Variants in TMEM200A observed in about 807,000 individuals in gnomAD.
TMEM200A encodes transmembrane protein 200A, also known as two transmembrane C.
In TMEM200A, 12 loss-of-function variants were observed where a neutral mutation model predicts 24.3. That is an observed-to-expected ratio of 0.49 (90% CI 0.32 to 0.80). The LOEUF is 0.80. Ranked by LOEUF, TMEM200A falls within the 30% of genes least tolerant of loss-of-function variation. The pLI is 0.04. For synonymous variants in TMEM200A, 224 were observed against 224.4 expected (o/e 1.00, Z 0.02); for missense variants, 545 against 614.4 (o/e 0.89, Z 1.19).
At chr6:130,422,283 T>G (rs118140545) in intron 2 of TMEM200A, among the ~76,000 whole-genome samples, 1 of 152,156 alleles carries the variant, frequency 6.6e-6, no homozygotes, top group Non-Finnish European at 1.5e-5. Flanking sequence ...TTTTTATTTT[T>G]TTTAAGATGG....
intron 2 of TMEM200A, among the ~76,000 whole-genome samples, chr6:130,405,385 G>A (rs554001936): frequency 2.2e-4 from 33 of 152,170 alleles, no homozygotes; most frequent in South Asian, 2.1e-3. Flanking sequence ...CTAGTTAGCC[G>A]TATTCCTGGG....
intron 2 of TMEM200A, among the ~76,000 whole-genome samples, chr6:130,433,136 CTTTT>C (rs34311658): frequency 1.4e-5 from 2 of 138,410 alleles, no homozygotes. Context: ...AAAAGATGAT[CTTTT>C]TTTTTTTTTT....
At chr6:130,390,031 G>A (rs1241348380) in intron 2 of TMEM200A, among the ~76,000 whole-genome samples, 2 of 152,166 alleles carry the variant, frequency 1.3e-5, no homozygotes, top group East Asian at 1.9e-4. Flanking sequence ...GGCCAGAAAC[G>A]TGTTTTGGTT....
chr6:130,425,086 C>T (rs1003043781), intron 2 of TMEM200A, among the ~76,000 whole-genome samples: 5 of 152,240 alleles, frequency 3.3e-5, no homozygotes, highest in Admixed American at 2.0e-4. Context: ...CCTAGTAATA[C>T]TTGCTCATCT....
intron 2 of TMEM200A, among the ~76,000 whole-genome samples, chr6:130,402,352 C>CA (rs1310267973): frequency 1.4e-4 from 22 of 151,902 alleles, no homozygotes; most frequent in Non-Finnish European, 1.0e-4. Context: ...ATCAGTTGAG[C>CA]AAAAAATACA....
intron 1 of TMEM200A, among the ~76,000 whole-genome samples, chr6:130,376,493 G>A (rs1025595235): frequency 6.6e-6 from 1 of 152,130 alleles, no homozygotes; most frequent in Non-Finnish European, 1.5e-5. Context: ...ATGTTGGCCA[G>A]GCTGGGCTTG....
chr6:130,371,766 C>G (rs1562547486), intron 1 of TMEM200A, among the ~76,000 whole-genome samples: 1 of 152,146 alleles, frequency 6.6e-6, no homozygotes, highest in Admixed American at 6.5e-5. Flanking sequence ...ATGGGCAGAT[C>G]AATAGAACAA....
chr6:130,375,033 A>T (rs923763815), intron 1 of TMEM200A, among the ~76,000 whole-genome samples: 1 of 152,208 alleles, frequency 6.6e-6, no homozygotes, highest in African/African-American at 2.4e-5. Flanking sequence ...CAATTTTTCC[A>T]CAACTATTAT....
intron 2 of TMEM200A, among the ~76,000 whole-genome samples, chr6:130,422,506 A>G (rs1779620843): frequency 6.6e-6 from 1 of 152,096 alleles, no homozygotes; most frequent in African/African-American, 2.4e-5. Flanking sequence ...ACCTCAAGTG[A>G]TCTGCCTGCC....
In TMEM200A at chr6:130,442,771, T is replaced by G. The variant is rs1780228438; in HGVS notation, c.*873T>G. 1.2e-5 allele frequency: 2 copies of G among 167,066 alleles called. No homozygotes were observed. The highest frequency in any genetic ancestry group is 2.1e-4 in the South Asian group (1 of 4,826). The allele number at this position is 167,066 out of a possible 1,614,324, so 10.3% of individuals were successfully genotyped here. On this transcript the variant is annotated 3_prime_UTR_variant, in exon 3 of 3. Transcript: ENST00000296978. The stretch of plus-strand genomic sequence containing the variant: ...TAGTCTCAGTACCTGTTTTTAGCCA[T>G]CTGTTACTGTCCAATAGCACCTCAT...
In TMEM200A at chr6:130,366,141, C is replaced by T; in HGVS notation, c.-464C>T. ...CCTGCCCGGCTTGCTGCGCCCGGTG[C>T]CCTCCGAGGGCAGGCGCGCCTGGAC... On this transcript the variant is annotated 5_prime_UTR_variant, in exon 1 of 3. Coordinates refer to ENST00000296978, the MANE Select transcript of TMEM200A (RefSeq NM_001258277.2). This position sits in a 1 kb window ranked among gnomAD's most constrained non-coding sequence, Gnocchi z 4.4. The T allele has an allele frequency of 1.0e-6, 1 of 985,388 alleles. No individual in the cohort carries two copies. Among genetic ancestry groups the T allele is most frequent in the Non-Finnish European group, 1.2e-6 (1 of 829,936 alleles). 61.0% of individuals were successfully genotyped at this position (985,388 alleles called of 1,614,324 possible).
intron 2 of TMEM200A, among the ~76,000 whole-genome samples, chr6:130,387,272 GTGTT>G (rs1202766273): frequency 5.3e-5 from 8 of 152,048 alleles, no homozygotes; most frequent in African/African-American, 1.4e-4. Flanking sequence ...GGATAGAGTT[GTGTT>G]TGTTTGTTTG....
intron 2 of TMEM200A, among the ~76,000 whole-genome samples, chr6:130,426,464 C>T (rs78098803): frequency 2.1e-5 from 3 of 146,052 alleles, no homozygotes; most frequent in Non-Finnish European, 4.5e-5. Flanking sequence ...TCTGCAGCCC[C>T]CCCCCCCTCA....
chr6:130,412,676 A>G (rs1779359926), intron 2 of TMEM200A, among the ~76,000 whole-genome samples: 1 of 152,144 alleles, frequency 6.6e-6, no homozygotes, highest in Non-Finnish European at 1.5e-5. Flanking sequence ...GGTCACCAGG[A>G]ATCCTCTGCT....
At chr6:130,424,844 C>CCA (rs1779691126) in intron 2 of TMEM200A, among the ~76,000 whole-genome samples, 2 of 152,122 alleles carry the variant, frequency 1.3e-5, no homozygotes, top group Non-Finnish European at 2.9e-5. Context: ...AAACCCCAGC[C>CCA]AGTCTGAATG....
chr6:130,378,722 C>CAAAAAA (rs56819618), intron 1 of TMEM200A, among the ~76,000 whole-genome samples: 3 of 56,364 alleles, frequency 5.3e-5, no homozygotes, highest in Non-Finnish European at 4.0e-5. Flanking sequence ...GACTCCGTCT[C>CAAAAAA]AAAAAAAAAA....
chr6:130,431,971 C>A (rs1005920565), intron 2 of TMEM200A, among the ~76,000 whole-genome samples: 5 of 152,122 alleles, frequency 3.3e-5, no homozygotes, highest in African/African-American at 1.2e-4. Context: ...CCTTTTAGTT[C>A]CAGCATTCAA....
chr6:130,414,865 C>A (rs1258416741), intron 2 of TMEM200A, among the ~76,000 whole-genome samples: 8 of 152,052 alleles, frequency 5.3e-5, no homozygotes, highest in African/African-American at 1.9e-4. Context: ...AACAGGTAAA[C>A]CAGCAAATAC....
chr6:130,422,822 A>G (rs773877183), intron 2 of TMEM200A, among the ~76,000 whole-genome samples: 1 of 152,194 alleles, frequency 6.6e-6, no homozygotes, highest in Non-Finnish European at 1.5e-5. Context: ...CTATTTAAAA[A>G]ACTTATATGA....
Sources: gnomAD v4.1 joint callset for allele counts (sites outside exome capture counted in the v4.1 genomes callset) on GRCh38, gnomAD v4.1.1 for gene constraint, Gnocchi (gnomAD v3.1) non-coding constraint, MANE v1.5 for transcripts, NCBI Gene and HGNC (gene_info 2026-07-23, HGNC 2026-07-21) for gene names.